The following LHX8 variants were observed in gnomAD, a reference collection of about 807,000 sequenced individuals.
The protein encoded by LHX8 is LIM homeobox 8, also known as LIM/homeobox protein Lhx8.
In LHX8, 12 loss-of-function variants were observed where a neutral mutation model predicts 40.3. The observed-to-expected ratio is 0.30, with a 90% CI of 0.19 to 0.48. LHX8 has a LOEUF of 0.48. Ranked by LOEUF, LHX8 falls within the 20% of genes least tolerant of loss-of-function variation. LHX8 has a pLI of 0.99. For missense variants in LHX8, 344 were observed against 433.7 expected (o/e 0.79, Z 1.84); for synonymous variants, 179 against 162.0 (o/e 1.10, Z -0.80).
chr1:75,180,939 C>T, the LHX8 span, among the ~76,000 whole-genome samples: 1 of 152,332 alleles, frequency 6.6e-6, no homozygotes, highest in East Asian at 1.9e-4. Context: ...TTCCTTCTAT[C>T]AGTCAGATCC....
chr1:75,129,421 T>C (rs1331547931), upstream of LHX8, among the ~76,000 whole-genome samples: 1 of 152,178 alleles, frequency 6.6e-6, no homozygotes, highest in Non-Finnish European at 1.5e-5. Context: ...AATTCATGGC[T>C]CAAGATTCTT....
At chr1:75,157,821 A>G (rs1220692607) in intron 8 of LHX8, among the ~76,000 whole-genome samples, 1 of 152,136 alleles carries the variant, frequency 6.6e-6, no homozygotes, top group Middle Eastern at 3.2e-3. Flanking sequence ...TGGTTAATAG[A>G]TATTTGTGTT....
chr1:75,185,253 G>A, the LHX8 span, among the ~76,000 whole-genome samples: 6 of 151,844 alleles, frequency 4.0e-5, no homozygotes, highest in African/African-American at 1.5e-4. Context: ...CATCTCATAT[G>A]AGGCCAACAT....
chr1:75,140,033 T>G (rs558919345), intron 3 of LHX8, among the ~76,000 whole-genome samples: 2 of 151,942 alleles, frequency 1.3e-5, no homozygotes, highest in South Asian at 4.1e-4. Flanking sequence ...TGTGTCCACT[T>G]AACAAGAGCA....
At chr1:75,144,157 A>G (rs1017643255) in intron 6 of LHX8, among the ~76,000 whole-genome samples, 2 of 152,192 alleles carry the variant, frequency 1.3e-5, no homozygotes, top group Non-Finnish European at 2.9e-5. Context: ...TGAAATAGTC[A>G]TTCAAGTTTT....
At chr1:75,151,284 GACA>G (rs1412971096) in intron 7 of LHX8, among the ~76,000 whole-genome samples, 1 of 152,174 alleles carries the variant, frequency 6.6e-6, no homozygotes, top group Non-Finnish European at 1.5e-5. Context: ...TGTCTTAGGA[GACA>G]AGTTCTACCA....
chr1:75,129,837 A>C (rs558903526), upstream of LHX8: 2 of 152,202 alleles, frequency 1.3e-5, no homozygotes, highest in Non-Finnish European at 2.9e-5. Flanking sequence ...ACTCCAGGCT[A>C]TATCTGCCCG....
At chr1:75,155,502 G>A (rs1005766572) in intron 7 of LHX8, among the ~76,000 whole-genome samples, 56 of 152,208 alleles carry the variant, frequency 3.7e-4, no homozygotes, top group African/African-American at 1.3e-3. Flanking sequence ...CCAAAGTGCT[G>A]GGATTACAGG....
upstream of LHX8, chr1:75,132,262 C>T (rs1347193013): frequency 3.9e-5 from 6 of 152,466 alleles, no homozygotes; most frequent in African/African-American, 1.4e-4. Context: ...GACGATCAGC[C>T]CTGGGATTCA....
upstream of LHX8, among the ~76,000 whole-genome samples, chr1:75,129,469 G>A (rs1450170637): frequency 6.6e-6 from 1 of 152,146 alleles, no homozygotes; most frequent in Non-Finnish European, 1.5e-5. Flanking sequence ...AGCTTTACGA[G>A]TTACACCGGA....
chr1:75,168,214 A>G, the LHX8 span, among the ~76,000 whole-genome samples: 1 of 152,022 alleles, frequency 6.6e-6, no homozygotes, highest in Admixed American at 6.6e-5. Flanking sequence ...GTATCTAGTC[A>G]TAGTTTTCTG....
chr1:75,199,355 A>T, the LHX8 span, among the ~76,000 whole-genome samples: 1 of 152,168 alleles, frequency 6.6e-6, no homozygotes, highest in Non-Finnish European at 1.5e-5. Flanking sequence ...TGCCTGGAAG[A>T]ATGTGGAGAT....
chr1:75,168,259 G>T, the LHX8 span, among the ~76,000 whole-genome samples: 16 of 152,164 alleles, frequency 1.1e-4, no homozygotes, highest in Non-Finnish European at 1.6e-4. Context: ...TTTCACTCTT[G>T]TTGCCCAGGC....
At chr1:75,142,643 TAAA>T (rs35936254) in intron 4 of LHX8, among the ~76,000 whole-genome samples, 32,750 of 152,060 alleles carry the variant, frequency 0.22, 4,219 homozygotes, top group Middle Eastern at 0.34. Context: ...TTTAACATCC[TAAA>T]AACTATATTT....
At chr1:75,179,574 A>G in the LHX8 span, among the ~76,000 whole-genome samples, 1 of 124,764 alleles carries the variant, frequency 8.0e-6, no homozygotes, top group East Asian at 2.4e-4. Context: ...TTTTGAGCGT[A>G]TGTGTGTCTC....
chr1:75,138,122 A>T (rs184685100), intron 3 of LHX8, among the ~76,000 whole-genome samples: 17 of 152,346 alleles, frequency 1.1e-4, no homozygotes, highest in Admixed American at 7.2e-4. Context: ...GGCAGGCCAC[A>T]GTTATCCACC....
intron 8 of LHX8, among the ~76,000 whole-genome samples, chr1:75,158,167 A>G (rs543163988): frequency 6.6e-6 from 1 of 152,278 alleles, no homozygotes; most frequent in Non-Finnish European, 1.5e-5. Flanking sequence ...TTCATCAGGT[A>G]TTTGTATATT....
intron 3 of LHX8, among the ~76,000 whole-genome samples, chr1:75,137,670 T>A (rs905644229): frequency 5.3e-5 from 8 of 152,222 alleles, no homozygotes; most frequent in African/African-American, 1.9e-4. Context: ...CTGTGGTCTC[T>A]CCACCCCAGT....
At chr1:75,193,266 GCACATTGCCTTTC>G in the LHX8 span, among the ~76,000 whole-genome samples, 8 of 152,118 alleles carry the variant, frequency 5.3e-5, no homozygotes, top group African/African-American at 1.9e-4. Context: ...GATGATCCCA[GCACATTGCCTTTC>G]CACATTTCTC....
Sources: allele counts gnomAD v4.1 joint callset (sites outside exome capture counted in the v4.1 genomes callset), GRCh38; gene constraint gnomAD v4.1.1; transcripts MANE v1.5; gene names NCBI Gene and HGNC (gene_info 2026-07-23, HGNC 2026-07-21).